The following NRXN3 variants were observed in gnomAD, a reference collection of about 807,000 sequenced individuals.
NRXN3 encodes the protein neurexin III.
NRXN3 carries 32 observed loss-of-function variants against 137.6 expected under a neutral mutation model. The ratio of observed to expected loss-of-function variants is 0.23; its 90% CI spans 0.18 to 0.31. The LOEUF (loss-of-function observed/expected upper bound fraction) is 0.31. NRXN3 is among the 10% of genes least tolerant of loss of function. NRXN3 has a pLI of 1.00. For synonymous variants in NRXN3, 798 were observed against 784.5 expected, an observed-to-expected ratio of 1.02 and a Z score of -0.29; for missense variants, 1,574 against 2,062.5, an observed-to-expected ratio of 0.76 and a Z score of 4.59.
chr14:78,235,004 A>ATATATATATATATATATGTG (rs1555418579), intron 1 of NRXN3, among the ~76,000 whole-genome samples: 24 of 65,652 alleles, frequency 3.7e-4, no homozygotes, highest in South Asian at 5.3e-4. Context: ...TTATATATAT[A>ATATATATATATATATATGTG]TATATATATA....
At chr14:79,275,080 G>T (rs1222133879) in intron 15 of NRXN3, among the ~76,000 whole-genome samples, 1 of 152,162 alleles carries the variant, frequency 6.6e-6, no homozygotes, top group African/African-American at 2.4e-5. Context: ...GCAGAAGGAT[G>T]AATTATGTGG....
intron 15 of NRXN3, among the ~76,000 whole-genome samples, chr14:79,436,558 C>T (rs2095848823): frequency 2.0e-5 from 3 of 152,196 alleles, no homozygotes; most frequent in South Asian, 2.1e-4. Flanking sequence ...TCTTCTCCTC[C>T]TTCCCCCTCC....
intron 1 of NRXN3, among the ~76,000 whole-genome samples, chr14:78,229,185 G>T (rs531113995): frequency 1.5e-4 from 23 of 152,174 alleles, no homozygotes; most frequent in African/African-American, 5.5e-4. Context: ...GACTATTGTG[G>T]CCGTCATGGG....
intron 4 of NRXN3, among the ~76,000 whole-genome samples, chr14:78,496,927 C>CTT (rs2095795060): frequency 6.6e-6 from 1 of 152,050 alleles, no homozygotes; most frequent in Admixed American, 6.6e-5. Context: ...CTTGAGCAGT[C>CTT]TTAACTCATG....
chr14:79,031,857 T>C (rs1433224175), intron 15 of NRXN3, among the ~76,000 whole-genome samples: 2 of 152,184 alleles, frequency 1.3e-5, no homozygotes, highest in East Asian at 1.9e-4. Context: ...GTTTTTGTTG[T>C]TGTTGTCTGT....
intron 10 of NRXN3, among the ~76,000 whole-genome samples, chr14:78,943,621 AATATATATATATATATATATAT>A (rs60429358): frequency 1.3e-3 from 36 of 27,874 alleles, no homozygotes; most frequent in South Asian, 1.0e-2. Context: ...AAAAAAAAAA[AATATATATATATATATATATAT>A]ATATATATAT....
intron 19 of NRXN3, among the ~76,000 whole-genome samples, chr14:79,745,911 A>G (rs1380704589): frequency 6.6e-6 from 1 of 152,052 alleles, no homozygotes; most frequent in Non-Finnish European, 1.5e-5. Flanking sequence ...TCATATGGCT[A>G]TCTTCTTGTA....
At chr14:78,295,796 G>A (rs1408199399) in intron 3 of NRXN3, among the ~76,000 whole-genome samples, 1 of 152,112 alleles carries the variant, frequency 6.6e-6, no homozygotes, top group African/African-American at 2.4e-5. Context: ...ATAAGATAAA[G>A]CGCAATGATA....
chr14:78,205,072 GC>G (rs2062050725), intron 1 of NRXN3, among the ~76,000 whole-genome samples: 1 of 152,212 alleles, frequency 6.6e-6, no homozygotes, highest in Admixed American at 6.5e-5. Flanking sequence ...GGTGCCCGCT[GC>G]CCCAGCCCAC....
intron 2 of NRXN3, among the ~76,000 whole-genome samples, chr14:78,251,197 G>T (rs1424159384): frequency 6.6e-6 from 1 of 152,138 alleles, no homozygotes; most frequent in Non-Finnish European, 1.5e-5. Flanking sequence ...CTCAGGGTTG[G>T]TGGTGAGAGT....
At chr14:79,717,493 G>A (rs1300243350) in intron 19 of NRXN3, among the ~76,000 whole-genome samples, 1 of 152,192 alleles carries the variant, frequency 6.6e-6, no homozygotes, top group South Asian at 2.1e-4. Context: ...GAGAGACTGG[G>A]TCAGGCTTTT....
rs74516176 is a variant in NRXN3, at chr14:78,355,863, G to A, written c.757+58003G>A. Among the ~76,000 whole-genome samples, 6 of 152,292 alleles carry A rather than the reference G, an allele frequency of 3.9e-5. No individual in the cohort carries two copies. In the South Asian group the frequency reaches 8.3e-4, roughly 21 times the overall value. On this transcript the variant is annotated intron_variant, in intron 4 of 20. Coordinates refer to ENST00000335750, the MANE Select transcript of NRXN3 (RefSeq NM_001330195.2). ...GAGGCATTCAGAGAATCATATAACC[G>A]TAATAGGAAAAGGGCTAGCTCCAGC... is the stretch of plus-strand genomic sequence containing the variant.
At chr14:78,380,955 A>G (rs963895552) in intron 4 of NRXN3, among the ~76,000 whole-genome samples, 4 of 152,218 alleles carry the variant, frequency 2.6e-5, no homozygotes, top group Admixed American at 1.3e-4. Flanking sequence ...TTACTGGTAA[A>G]GGGATAGACA....
intron 16 of NRXN3, among the ~76,000 whole-genome samples, chr14:79,569,473 T>TA (rs2097577459): frequency 6.6e-6 from 1 of 152,178 alleles, no homozygotes; most frequent in Non-Finnish European, 1.5e-5. Flanking sequence ...AAACAATTAC[T>TA]ATGCAGGCTC....
intron 19 of NRXN3, among the ~76,000 whole-genome samples, chr14:79,719,529 A>G (rs1050902717): frequency 2.6e-5 from 4 of 151,632 alleles, no homozygotes. Flanking sequence ...ACACTCTTTC[A>G]CTTCCCCATA....
intron 15 of NRXN3, among the ~76,000 whole-genome samples, chr14:79,409,145 A>C (rs2095367697): frequency 6.6e-6 from 1 of 152,062 alleles, no homozygotes. Context: ...TTGCAAAGTG[A>C]ATTAATATAT....
At chr14:78,300,339 T>C (rs1476851123) in intron 4 of NRXN3, among the ~76,000 whole-genome samples, 1 of 152,252 alleles carries the variant, frequency 6.6e-6, no homozygotes. Flanking sequence ...GGCTGTGCAG[T>C]ACTTTTGCAT....
At chr14:79,447,404 A>G (rs558363637) in intron 15 of NRXN3, among the ~76,000 whole-genome samples, 30 of 152,358 alleles carry the variant, frequency 2.0e-4, no homozygotes, top group African/African-American at 7.0e-4. Flanking sequence ...CCAAATGGCT[A>G]CTGATTTTCT....
chr14:78,430,271 A>T (rs1195116292), intron 4 of NRXN3, among the ~76,000 whole-genome samples: 5 of 152,196 alleles, frequency 3.3e-5, no homozygotes, highest in African/African-American at 1.2e-4. Flanking sequence ...TAATTATTTT[A>T]TCCCATTGTT....
Sources: gnomAD v4.1 joint callset for allele counts (sites outside exome capture counted in the v4.1 genomes callset) on GRCh38, gnomAD v4.1.1 for gene constraint, MANE v1.5 for transcripts, NCBI Gene and HGNC (gene_info 2026-07-23, HGNC 2026-07-21) for gene names.